TXNRD3: variants seen among roughly 807,000 people sequenced by gnomAD.
TXNRD3 encodes TXNRD3 neighbor gene protein.
In TXNRD3, 68 loss-of-function variants were observed where a neutral mutation model predicts 78.2. That is an observed-to-expected ratio of 0.87 (90% CI 0.72 to 1.06). TXNRD3 has a LOEUF of 1.06. Among genes scored for constraint, TXNRD3 ranks in the 50% least tolerant of loss-of-function variants. TXNRD3 has a pLI of 0.00. For synonymous variants in TXNRD3, 296 were observed against 300.1 expected (o/e 0.99, Z 0.14); for missense variants, 751 against 809.5 (o/e 0.93, Z 0.88).
At chr3:126,630,584 T>C (rs1938685423) in intron 9 of TXNRD3, 128 bp downstream of exon 9, 2 of 1,023,116 alleles carry the variant, frequency 2.0e-6, no homozygotes. Context: ...GTTGGCTCTG[T>C]AGACTTGGGA....
chr3:126,649,727 T>G (rs528148831), intron 1 of TXNRD3, among the ~76,000 whole-genome samples: 1 of 152,218 alleles, frequency 6.6e-6, no homozygotes, highest in South Asian at 2.1e-4. Flanking sequence ...TTACTCTAAG[T>G]GAAATAAACT....
chr3:126,652,889 G>A (rs369254050), intron 1 of TXNRD3, among the ~76,000 whole-genome samples: 47 of 152,312 alleles, frequency 3.1e-4, no homozygotes, highest in East Asian at 1.5e-3. Flanking sequence ...AAACAATAAC[G>A]AATGCAGTGC....
intron 6 of TXNRD3, among the ~76,000 whole-genome samples, chr3:126,637,781 T>G (rs1455043768): frequency 6.6e-6 from 1 of 151,972 alleles, no homozygotes; most frequent in Non-Finnish European, 1.5e-5. Context: ...AACTTGTAGT[T>G]TCATGTTGCT....
chr3:126,615,476 A>C lies in TXNRD3; in HGVS notation c.1525-14T>G, dbSNP rs1470138438. ...AATATAATCACACTGAAAGACAAAC[A>C]AATTACATTGTCTTATTTTGTGAAA... On this transcript the variant is annotated splice_polypyrimidine_tract_variant and intron_variant, in intron 12 of 15. Coordinates refer to ENST00000524230, the MANE Select transcript of TXNRD3 (RefSeq NM_052883.3). 2 of 1,311,464 alleles carry C rather than the reference A, an allele frequency of 1.5e-6. No individual in the cohort carries two copies. Among genetic ancestry groups the C allele is most frequent in the East Asian group, 2.5e-5 (1 of 39,228 alleles). The allele number at this position is 1,311,464 out of a possible 1,614,324, so 81.2% of individuals were successfully genotyped here.
chr3:126,633,900 A>G lies in TXNRD3; in HGVS notation c.855+9T>C. The G allele has an allele frequency of 6.8e-7, 1 of 1,473,074 alleles. No homozygotes were observed. The highest frequency in any genetic ancestry group is 1.4e-5 in the South Asian group (1 of 72,432). The allele number at this position is 1,473,074 out of a possible 1,614,324, so 91.3% of individuals were successfully genotyped here. A position where few individuals can be genotyped will look rare whatever the true frequency, so the allele number is the denominator to read the frequency against. On this transcript the variant is annotated intron_variant, in intron 7 of 15. Transcript: ENST00000524230. ...AGGAGATGAACAAGACAAGAAACTCAAGCACTACCTTTATTTTATGATGTT... is the reference window on the plus strand; with the variant it reads ...AGGAGATGAACAAGACAAGAAACTCGAGCACTACCTTTATTTTATGATGTT...
In TXNRD3 at chr3:126,654,858, G is replaced by A; in HGVS notation, c.133C>T (p.Pro45Ser). The A allele has an allele frequency of 1.5e-6, 2 of 1,348,654 alleles. No individual in the cohort carries two copies. The highest frequency in any genetic ancestry group is 1.9e-6 in the Non-Finnish European group (2 of 1,057,194). The allele number at this position is 1,348,654 out of a possible 1,614,324, so 83.5% of individuals were successfully genotyped here. The stretch of plus-strand genomic sequence containing the variant: ...TCGCGGGCCTCGGACGAGCGGCTGG[G>A]CCCGGGGGACGACAGGCGGGCACGG... Residue 45 changes from proline (P) to serine (S), a missense_variant, in exon 1 of 16, where the codon CCC (proline) becomes TCC (serine). By Grantham distance (74) the Pro-to-Ser change is moderately conservative. Coordinates refer to ENST00000524230, the MANE Select transcript of TXNRD3 (RefSeq NM_052883.3).
intron 1 of TXNRD3, 76 bp from the exon 2 acceptor site, chr3:126,647,372 G>C: frequency 9.7e-7 from 1 of 1,029,674 alleles, no homozygotes; most frequent in South Asian, 1.5e-5. Context: ...AGTAATGAGA[G>C]ATGTCAACAA....
At chr3:126,639,188 T>A (rs561016181) in intron 6 of TXNRD3, among the ~76,000 whole-genome samples, 33 of 152,330 alleles carry the variant, frequency 2.2e-4, no homozygotes, top group Non-Finnish European at 4.7e-4. Context: ...ACCTGCCAAG[T>A]CAAAATGTGC....
At chr3:126,629,590 G>T (rs1177138331) in intron 9 of TXNRD3, 119 bp from the exon 10 acceptor site, 19 of 683,756 alleles carry the variant, frequency 2.8e-5, no homozygotes, top group Non-Finnish European at 4.4e-5. Context: ...ACATATAATA[G>T]GTGTTAGTAT....
intron 6 of TXNRD3, among the ~76,000 whole-genome samples, chr3:126,636,821 CTTGTCCAACCT>C (rs1938873281): frequency 6.6e-6 from 1 of 152,188 alleles, no homozygotes; most frequent in South Asian, 2.1e-4. Context: ...GTAAATCAAA[CTTGTCCAACCT>C]GTGGCCCATG....
chr3:126,642,106 A>G lies in TXNRD3; in HGVS notation c.638T>C (p.Leu213Ser). The change falls in exon 6 of 16, where the codon TTG becomes TCG. Residue 213 changes from leucine to serine, a missense_variant. Physicochemically the swap from Leu to Ser is moderately radical, Grantham distance 145. Coordinates refer to ENST00000524230, the MANE Select transcript of TXNRD3 (RefSeq NM_052883.3). ...CCCCAAAAGGGCAGCCTGATGCATC[A>G]ATTTCTTAGGAATACAACCTACATT... 6.5e-7 allele frequency: 1 copy of G among 1,536,340 alleles called. No homozygotes were observed. The highest frequency in any genetic ancestry group is 8.7e-7 in the Non-Finnish European group (1 of 1,146,918).
At chr3:126,611,231 G>A in intron 13 of TXNRD3, 99 bp from the exon 14 acceptor site, 1 of 712,574 alleles carries the variant, frequency 1.4e-6, no homozygotes, top group Non-Finnish European at 2.0e-6. Context: ...CTCCATAGCA[G>A]CTTTCGGAAA....
chr3:126,621,425 G>C (rs1938453857), intron 12 of TXNRD3, among the ~76,000 whole-genome samples: 1 of 152,160 alleles, frequency 6.6e-6, no homozygotes, highest in Non-Finnish European at 1.5e-5. Flanking sequence ...AGAGCAACCT[G>C]CTGACAGCAC....
chr3:126,654,662 C>G (rs967123841), intron 1 of TXNRD3, 86 bp downstream of exon 1: 107 of 939,404 alleles, frequency 1.1e-4, no homozygotes, highest in Non-Finnish European at 1.3e-4. Flanking sequence ...CCCGCGGGCG[C>G]CCCGGCCCGG....
chr3:126,630,814 G>A lies in TXNRD3; in HGVS notation c.1095C>T (p.Arg365=). Residue 365 remains arginine, a synonymous_variant, in exon 9 of 16, where the codon CGC becomes CGT. Coordinates refer to ENST00000524230, the MANE Select transcript of TXNRD3 (RefSeq NM_052883.3). ...GGTCGAAGCCACGGAGAAGGATTGA[G>A]CGTACCATAACTGTGACATCTAGGC... is the stretch of plus-strand genomic sequence containing the variant. 1 of 1,535,570 alleles carries A rather than the reference G, an allele frequency of 6.5e-7. No homozygotes were observed. Among genetic ancestry groups the A allele is most frequent in the Non-Finnish European group, 8.7e-7 (1 of 1,146,888 alleles).
intron 2 of TXNRD3, 103 bp downstream of exon 2, chr3:126,647,133 A>T: frequency 1.1e-6 from 1 of 876,576 alleles, no homozygotes; most frequent in Non-Finnish European, 1.7e-6. Flanking sequence ...GCCTCATTTA[A>T]CCCGAAGACA....
At chr3:126,649,066 C>A (rs1933310476) in intron 1 of TXNRD3, among the ~76,000 whole-genome samples, 1 of 152,054 alleles carries the variant, frequency 6.6e-6, no homozygotes, top group African/African-American at 2.4e-5. Context: ...ACCCAAGGAA[C>A]TGAATAGGGT....
chr3:126,621,747 C>A lies in TXNRD3; in HGVS notation c.1519G>T (p.Glu507Ter), dbSNP rs1473519525. The A allele has an allele frequency of 2.0e-6, 3 of 1,506,854 alleles. No individual in the cohort carries two copies. In the South Asian group the frequency reaches 3.8e-5, roughly 19 times the overall value. The allele number at this position is 1,506,854 out of a possible 1,614,324, so 93.3% of individuals were successfully genotyped here. The change falls in exon 12 of 16, where the codon GAA (glutamate) becomes TAA (stop). Residue 507 changes from glutamate to a stop codon, truncating the protein, a stop_gained. Coordinates refer to ENST00000524230, the MANE Select transcript of TXNRD3 (RefSeq NM_052883.3). LOFTEE classifies it high-confidence loss of function. The stretch of plus-strand genomic sequence containing the variant: ...AAAAACAGTAAGAAACTTACCTTTT[C>A]TAAAGAGGCCCCAAAAAGTCTCTGA...
intron 14 of TXNRD3, among the ~76,000 whole-genome samples, chr3:126,610,738 T>C (rs1262355661): frequency 6.6e-6 from 1 of 152,194 alleles, no homozygotes; most frequent in Non-Finnish European, 1.5e-5. Flanking sequence ...GAGAGGACAC[T>C]GGTAGGGCTC....
Sources: allele counts gnomAD v4.1 joint callset (sites outside exome capture counted in the v4.1 genomes callset), GRCh38; gene constraint gnomAD v4.1.1; transcripts MANE v1.5; gene names NCBI Gene and HGNC (gene_info 2026-07-23, HGNC 2026-07-21).